Variants in RBFOX3 observed in about 807,000 individuals in gnomAD.
RBFOX3 encodes the protein RNA binding protein fox-1 homolog 3.
RBFOX3 carries 17 observed loss-of-function variants against 48.7 expected under a neutral mutation model. That is an observed-to-expected ratio of 0.35 (90% CI 0.24 to 0.52). The LOEUF is 0.52. Among genes scored for constraint, RBFOX3 ranks in the 20% least tolerant of loss-of-function variants. The pLI is 0.94. For synonymous variants in RBFOX3, 212 were observed against 209.5 expected (o/e 1.01, Z -0.10); for missense variants, 382 against 497.5 (o/e 0.77, Z 2.21).
intron 2 of RBFOX3, among the ~76,000 whole-genome samples, chr17:79,459,763 G>A (rs2075126408): frequency 6.6e-6 from 1 of 152,216 alleles, no homozygotes; most frequent in African/African-American, 2.4e-5. Context: ...GGTTGGGGGA[G>A]AGGGGATTTA....
At chr17:79,096,997 A>C (rs966776996) in intron 11 of RBFOX3, among the ~76,000 whole-genome samples, 164 bp from the exon 12 acceptor site, 2 of 152,118 alleles carry the variant, frequency 1.3e-5, no homozygotes, top group Non-Finnish European at 2.9e-5. Context: ...GGCTCAGAGA[A>C]GCCCCTCGCT....
intron 4 of RBFOX3, among the ~76,000 whole-genome samples, chr17:79,157,827 CAAT>C (rs2046153172): frequency 6.6e-6 from 1 of 152,200 alleles, no homozygotes; most frequent in Non-Finnish European, 1.5e-5. Flanking sequence ...CCCAGATGAA[CAAT>C]GAGTGCTGCT....
At chr17:79,139,139 G>A (rs187222605) in intron 4 of RBFOX3, among the ~76,000 whole-genome samples, 6 of 151,936 alleles carry the variant, frequency 3.9e-5, no homozygotes, top group African/African-American at 7.3e-5. Flanking sequence ...ATGCGTTCAC[G>A]GTCCTGCCTT....
chr17:79,138,874 A>C (rs2041188202), intron 4 of RBFOX3, among the ~76,000 whole-genome samples: 1 of 91,088 alleles, frequency 1.1e-5, no homozygotes, highest in African/African-American at 4.2e-5. Context: ...CCTCTCACCC[A>C]CACACGCAGG....
chr17:79,183,871 C>G (rs1012358573), intron 4 of RBFOX3, among the ~76,000 whole-genome samples: 1 of 152,214 alleles, frequency 6.6e-6, no homozygotes, highest in Non-Finnish European at 1.5e-5. Flanking sequence ...GCAGCCCTCC[C>G]TCGCGCCCTC....
chr17:79,664,757 C>G, the RBFOX3 span, among the ~76,000 whole-genome samples: 1 of 152,098 alleles, frequency 6.6e-6, no homozygotes, highest in Non-Finnish European at 1.5e-5. Context: ...AATTCTGTCC[C>G]CATTAGATGA....
chr17:79,256,131 C>A (rs1211028440), intron 3 of RBFOX3, among the ~76,000 whole-genome samples: 1 of 151,874 alleles, frequency 6.6e-6, no homozygotes, highest in Non-Finnish European at 1.5e-5. Context: ...ACCCTCCCAG[C>A]CCCGCCAGGT....
chr17:79,430,637 C>T (rs1402704388), intron 2 of RBFOX3, among the ~76,000 whole-genome samples: 3 of 152,190 alleles, frequency 2.0e-5, no homozygotes, highest in African/African-American at 4.8e-5. Context: ...CCACCGCCTC[C>T]GGGTTCAAGC....
At chr17:79,175,470 G>C in intron 4 of RBFOX3, among the ~76,000 whole-genome samples, 1 of 152,366 alleles carries the variant, frequency 6.6e-6, no homozygotes, top group Middle Eastern at 3.4e-3. Flanking sequence ...GGGATCTCCC[G>C]GTGTGGGCAC....
rs2075657241 is a variant in RBFOX3, at chr17:79,097,764, G to A, written c.569-19C>T. ...TTCCAGCCTAAAACAAAGGCACAGA[G>A]ACCTAGTCACTGCCTTCCCCGACCC... On this transcript the variant is annotated intron_variant, in intron 9 of 14. Coordinates refer to ENST00000693108, the MANE Select transcript of RBFOX3 (RefSeq NM_001350451.2). 5 of 1,551,056 alleles carry A rather than the reference G, an allele frequency of 3.2e-6. No individual in the cohort carries two copies. The highest frequency in any genetic ancestry group is 4.4e-6 in the Non-Finnish European group (5 of 1,146,704).
chr17:79,619,704 G>T, the RBFOX3 span, among the ~76,000 whole-genome samples: 1 of 152,054 alleles, frequency 6.6e-6, no homozygotes, highest in South Asian at 2.1e-4. Flanking sequence ...CAGGCTCCGG[G>T]GCAGGTGGAC....
chr17:79,595,416 G>A (rs2093542552), intron 1 of RBFOX3, among the ~76,000 whole-genome samples: 6 of 152,288 alleles, frequency 3.9e-5, no homozygotes, highest in African/African-American at 1.4e-4. Context: ...AGATGAAGAC[G>A]AGACAGTGCA....
chr17:79,139,555 G>A (rs541992251), intron 4 of RBFOX3, among the ~76,000 whole-genome samples: 5 of 152,246 alleles, frequency 3.3e-5, no homozygotes, highest in African/African-American at 1.2e-4. Context: ...TCCCCGTGAG[G>A]CTGGCCGGAA....
intron 1 of RBFOX3, among the ~76,000 whole-genome samples, chr17:79,519,908 C>T (rs1414647191): frequency 2.0e-5 from 3 of 152,228 alleles, no homozygotes; most frequent in African/African-American, 7.2e-5. Context: ...CCTGCCCTGC[C>T]TCTGCGCTGC....
At chr17:79,346,363 T>A (rs933281351) in intron 2 of RBFOX3, among the ~76,000 whole-genome samples, 3 of 152,198 alleles carry the variant, frequency 2.0e-5, no homozygotes, top group African/African-American at 7.2e-5. Context: ...TTGTTAAACA[T>A]CCCTGCCTTT....
chr17:79,385,330 A>G (rs1409343622), intron 2 of RBFOX3, among the ~76,000 whole-genome samples: 1 of 152,224 alleles, frequency 6.6e-6, no homozygotes, highest in Non-Finnish European at 1.5e-5. Context: ...ACTACCAGCC[A>G]TGGGAAGTCA....
chr17:79,398,480 C>A (rs1025187287), intron 2 of RBFOX3, among the ~76,000 whole-genome samples: 5 of 115,584 alleles, frequency 4.3e-5, no homozygotes, highest in African/African-American at 1.7e-4. Flanking sequence ...ACCACGTCAG[C>A]GGCTCTCCAC....
At chr17:79,353,203 C>T (rs2084298074) in intron 2 of RBFOX3, among the ~76,000 whole-genome samples, 1 of 152,226 alleles carries the variant, frequency 6.6e-6, no homozygotes, top group Non-Finnish European at 1.5e-5. Context: ...GCCTCTGCGG[C>T]TGCTGTGGAC....
intron 13 of RBFOX3, among the ~76,000 whole-genome samples, chr17:79,095,128 G>A (rs1000469500): frequency 1.3e-5 from 2 of 152,086 alleles, no homozygotes; most frequent in African/African-American, 4.8e-5. Flanking sequence ...GAGTGGTGGA[G>A]CTCAGCTACC....
Sources: allele counts gnomAD v4.1 joint callset (sites outside exome capture counted in the v4.1 genomes callset), GRCh38; gene constraint gnomAD v4.1.1; transcripts MANE v1.5; gene names NCBI Gene and HGNC (gene_info 2026-07-23, HGNC 2026-07-21).